Variants in CAAP1 observed in about 807,000 individuals in gnomAD.
CAAP1 encodes caspase activity and apoptosis inhibitor 1.
Under a neutral mutation model 34.0 loss-of-function variants are expected in CAAP1, and 20 were observed. That is an observed-to-expected ratio of 0.59 (90% CI 0.41 to 0.86). CAAP1 has a LOEUF of 0.86. Ranked by LOEUF, CAAP1 falls within the 40% of genes least tolerant of loss-of-function variation. The pLI is 0.00. For synonymous variants in CAAP1, 213 were observed against 166.7 expected (o/e 1.28, Z -2.14); for missense variants, 538 against 450.5 (o/e 1.19, Z -1.76).
rs1554649570 is a variant in CAAP1 at position 26,847,198 on chromosome 9, A to ATATTTTTTT, written c.740-4552_740-4551insAAAAAAATA. Among the ~76,000 whole-genome samples, 22 of 34,708 alleles carry ATATTTTTTT rather than the reference A, an allele frequency of 6.3e-4. 1 individual carries two copies. Among genetic ancestry groups the ATATTTTTTT allele is most frequent in the African/African-American group, 2.6e-3 (22 of 8,500 alleles). 22.8% of individuals were successfully genotyped at this position (34,708 alleles called of 152,430 possible). ...TTTTTACTAGTAAGTAAAAAGCAAT[A>ATATTTTTTT]TTTTTTTTTTTTTTTTTTTTTTTTT... On this transcript the variant is annotated intron_variant, in intron 5 of 5. Coordinates refer to ENST00000333916, the MANE Select transcript of CAAP1 (RefSeq NM_024828.4).
At chr9:26,879,781 C>T (rs188014948) in intron 4 of CAAP1, among the ~76,000 whole-genome samples, 16 of 152,304 alleles carry the variant, frequency 1.1e-4, no homozygotes, top group Non-Finnish European at 1.5e-4. Flanking sequence ...GACTCTTGGA[C>T]TTATGCCAGT....
intron 4 of CAAP1, among the ~76,000 whole-genome samples, chr9:26,865,027 C>CAAAAGACACATATA (rs1194147828): frequency 1.3e-5 from 2 of 152,082 alleles, no homozygotes; most frequent in Non-Finnish European, 1.5e-5. Flanking sequence ...TTTACCAACC[C>CAAAAGACACATATA]AAAAGCACAG....
At chr9:26,880,094 CG>C (rs3063606) in intron 4 of CAAP1, 22,215 of 148,880 alleles carry the variant, frequency 0.15, 2,085 homozygotes, top group East Asian at 0.55. Context: ...GAAAAAAATC[CG>C]GGGGGGGGGG....
chr9:26,852,280 G>T (rs191823423), intron 5 of CAAP1, among the ~76,000 whole-genome samples: 1 of 152,050 alleles, frequency 6.6e-6, no homozygotes, highest in South Asian at 2.1e-4. Flanking sequence ...GTGGTGAAAC[G>T]CCGTCTCTAT....
intron 4 of CAAP1, among the ~76,000 whole-genome samples, chr9:26,869,230 G>A (rs143599312): frequency 3.3e-5 from 5 of 151,488 alleles, no homozygotes; most frequent in South Asian, 2.1e-4. Context: ...AACCTAATAC[G>A]GTGAAATTCC....
At chr9:26,878,452 C>T (rs1274398646) in intron 4 of CAAP1, among the ~76,000 whole-genome samples, 1 of 152,128 alleles carries the variant, frequency 6.6e-6, no homozygotes, top group East Asian at 1.9e-4. Flanking sequence ...AGAAGTAAAC[C>T]ACTATACTTT....
intron 1 of CAAP1, 21 bp downstream of exon 1, chr9:26,892,392 G>C (rs1298060443): frequency 3.1e-6 from 5 of 1,602,970 alleles, no homozygotes; most frequent in Non-Finnish European, 4.2e-6. Flanking sequence ...CCAGGAAGCG[G>C]CCAGAGGGGC....
At chr9:26,889,970 T>C (rs568266393) in intron 1 of CAAP1, among the ~76,000 whole-genome samples, 13 of 152,222 alleles carry the variant, frequency 8.5e-5, no homozygotes, top group African/African-American at 3.1e-4. Flanking sequence ...CAATGACCTT[T>C]TCTTCACAAA....
At chr9:26,845,618 C>A (rs113238053) in intron 5 of CAAP1, among the ~76,000 whole-genome samples, 1 of 152,210 alleles carries the variant, frequency 6.6e-6, no homozygotes. Context: ...TCGTGATCCA[C>A]CCACCTCAGC....
At chr9:26,877,577 A>G (rs1322194042) in intron 4 of CAAP1, among the ~76,000 whole-genome samples, 1 of 152,144 alleles carries the variant, frequency 6.6e-6, no homozygotes, top group African/African-American at 2.4e-5. Context: ...CAAGGGTTCA[A>G]TTTCAGTTGT....
rs1191874156 is a variant in CAAP1 at position 26,892,783 on chromosome 9, G to A, written c.-68C>T. On this transcript the variant is annotated 5_prime_UTR_variant, in exon 1 of 6. Transcript: ENST00000333916. ...GGTGCGACCGAAGCCCGACTCCTGC[G>A]GCCGTGGGCGGCAGGCACTGGCGTC... is the stretch of plus-strand genomic sequence containing the variant. The A allele has an allele frequency of 3.0e-5, 43 of 1,428,348 alleles. No homozygotes were observed. In the East Asian group the frequency reaches 5.3e-4, roughly 18 times the overall value. 88.5% of individuals were successfully genotyped at this position (1,428,348 alleles called of 1,614,324 possible). A position where few individuals can be genotyped will look rare whatever the true frequency, so the allele number is the denominator to read the frequency against.
At chr9:26,873,012 G>A (rs146513563) in intron 4 of CAAP1, among the ~76,000 whole-genome samples, 3 of 152,158 alleles carry the variant, frequency 2.0e-5, no homozygotes, top group African/African-American at 7.2e-5. Context: ...TATAATCCTA[G>A]CACTTTGGGT....
At chr9:26,890,228 G>T (rs1169569936) in intron 1 of CAAP1, among the ~76,000 whole-genome samples, 1 of 151,898 alleles carries the variant, frequency 6.6e-6, no homozygotes, top group Non-Finnish European at 1.5e-5. Context: ...AAAATTAGCT[G>T]GCCATGGTGG....
intron 1 of CAAP1, among the ~76,000 whole-genome samples, chr9:26,890,650 T>C (rs778461643): frequency 1.3e-5 from 2 of 151,500 alleles, no homozygotes; most frequent in African/African-American, 4.9e-5. Context: ...TTTAGAAACA[T>C]ATACATAAAA....
chr9:26,858,280 C>T (rs1467571288), intron 5 of CAAP1, among the ~76,000 whole-genome samples: 2 of 152,136 alleles, frequency 1.3e-5, no homozygotes, highest in African/African-American at 4.8e-5. Context: ...TATTAGTGCA[C>T]TTAGAAAACA....
At chr9:26,890,308 T>C (rs918305061) in intron 1 of CAAP1, among the ~76,000 whole-genome samples, 1 of 151,166 alleles carries the variant, frequency 6.6e-6, no homozygotes, top group African/African-American at 2.4e-5. Context: ...CAGGCGGAGG[T>C]TGCAGTGGGC....
intron 5 of CAAP1, among the ~76,000 whole-genome samples, chr9:26,855,428 C>G (rs896739294): frequency 5.3e-5 from 8 of 152,072 alleles, no homozygotes; most frequent in African/African-American, 1.9e-4. Context: ...ATAAAATTAT[C>G]AAAACCCACA....
chr9:26,851,627 G>A (rs2131300142), intron 5 of CAAP1, among the ~76,000 whole-genome samples: 1 of 152,264 alleles, frequency 6.6e-6, no homozygotes, highest in East Asian at 1.9e-4. Context: ...TGAGTAATCT[G>A]AAAGTAAATA....
chr9:26,887,255 T>C (rs1375642152), intron 2 of CAAP1, 58 bp downstream of exon 2: 2 of 1,123,054 alleles, frequency 1.8e-6, no homozygotes, highest in Non-Finnish European at 2.5e-6. Context: ...AACAAAAAAT[T>C]GCTACAAAGA....
Sources: gnomAD v4.1 joint callset for allele counts (sites outside exome capture counted in the v4.1 genomes callset) on GRCh38, gnomAD v4.1.1 for gene constraint, MANE v1.5 for transcripts, NCBI Gene and HGNC (gene_info 2026-07-23, HGNC 2026-07-21) for gene names.